Variants in STN1 observed in about 807,000 individuals in gnomAD.
STN1 encodes STN1 subunit of CST complex.
In STN1, 29 loss-of-function variants were observed where a neutral mutation model predicts 45.5. The ratio of observed to expected loss-of-function variants is 0.64; its 90% CI spans 0.47 to 0.87. The LOEUF (loss-of-function observed/expected upper bound fraction) is 0.87. Ranked by LOEUF, STN1 falls within the 40% of genes least tolerant of loss-of-function variation. The pLI is 0.00. For synonymous variants in STN1, 148 were observed against 159.0 expected, an observed-to-expected ratio of 0.93 and a Z score of 0.52; for missense variants, 376 against 441.4, an observed-to-expected ratio of 0.85 and a Z score of 1.33.
At position 103,899,140 on chromosome 10, in the gene STN1, C is replaced by G. The variant is rs112351309; in HGVS notation, c.458-140G>C. On this transcript the variant is annotated intron_variant, in intron 5 of 9. Transcript: ENST00000224950. The stretch of plus-strand genomic sequence containing the variant: ...TCCTTCCTTGTGAGTGCCCAGGGAT[C>G]ACAGTCTAGATGCACTAAATGGCTC... 1.2e-4 allele frequency: 95 copies of G among 819,216 alleles called. 1 individual carries two copies. In the African/African-American group the frequency reaches 1.4e-3, roughly 12 times the overall value. The allele number at this position is 819,216 out of a possible 1,614,324, so 50.7% of individuals were successfully genotyped here.
chr10:103,884,833 G>A (rs1269100424), intron 9 of STN1, among the ~76,000 whole-genome samples: 1 of 152,110 alleles, frequency 6.6e-6, no homozygotes, highest in Non-Finnish European at 1.5e-5. Flanking sequence ...ACTGCTCCTG[G>A]GCTAACAAAA....
At chr10:103,914,333 T>TACAC (rs1564636057) in intron 2 of STN1, among the ~76,000 whole-genome samples, 15 of 8,534 alleles carry the variant, frequency 1.8e-3, no homozygotes, top group African/African-American at 2.4e-3. Context: ...TTATTAAAAA[T>TACAC]ACATATATAT....
chr10:103,893,077 A>G (rs1330053040), intron 7 of STN1, among the ~76,000 whole-genome samples: 1 of 152,158 alleles, frequency 6.6e-6, no homozygotes, highest in Non-Finnish European at 1.5e-5. Context: ...ACAAATACAC[A>G]TTAGAGTGTG....
chr10:103,913,921 G>A (rs563754777), intron 2 of STN1, among the ~76,000 whole-genome samples: 1 of 152,140 alleles, frequency 6.6e-6, no homozygotes, highest in African/African-American at 2.4e-5. Context: ...AAGGAGGAGG[G>A]TCAAGCTATA....
At chr10:103,905,059 G>A in intron 4 of STN1, 32 bp downstream of exon 4, 1 of 1,587,586 alleles carries the variant, frequency 6.3e-7, no homozygotes, top group Non-Finnish European at 8.6e-7. Flanking sequence ...TTAGTTAGGT[G>A]AAAAGTAAAG....
chr10:103,889,731 TCA>T (rs1296586259), intron 8 of STN1, among the ~76,000 whole-genome samples: 2 of 137,914 alleles, frequency 1.5e-5, no homozygotes, highest in African/African-American at 5.6e-5. Flanking sequence ...AGACGGAATC[TCA>T]CTCTTATCGC....
Position 103,880,971 on chromosome 10 carries a change from A to G in STN1, c.*1713T>C, listed in dbSNP as rs188199498. On this transcript the variant is annotated 3_prime_UTR_variant, in exon 10 of 10. Coordinates refer to ENST00000224950, the MANE Select transcript of STN1 (RefSeq NM_024928.5). The stretch of plus-strand genomic sequence containing the variant: ...TCTCTCTACGGATATATACATACAC[A>G]CAGGGAGCTGTAGATAATGGTGTTA... 1.6e-3 allele frequency among the ~76,000 whole-genome samples: 241 copies of G among 152,342 alleles called. No homozygotes were observed. The highest frequency in any genetic ancestry group is 6.8e-3 in the Middle Eastern group (2 of 294).
At chr10:103,899,848 C>A in intron 5 of STN1, 1 of 499,376 alleles carries the variant, frequency 2.0e-6, no homozygotes, top group South Asian at 3.1e-5. Flanking sequence ...GTAAATAATT[C>A]ATTTTCTTTC....
chr10:103,910,346 C>T (rs1255312357), intron 3 of STN1, among the ~76,000 whole-genome samples, 181 bp downstream of exon 3: 6 of 152,078 alleles, frequency 3.9e-5, no homozygotes, highest in Non-Finnish European at 8.8e-5. Flanking sequence ...CATTCCTACC[C>T]GTTGCCTCAT....
At position 103,909,518 on chromosome 10, in the gene STN1, GTATATATATGTACA is replaced by G. The variant is rs765388340; in HGVS notation, c.229+995_229+1008del. ...TGTGTATATGTATATATGTATATATGTATATATATGTACATATATATGTACATATATATATGCTG... is the reference window on the plus strand; with the variant it reads ...TGTGTATATGTATATATGTATATATGTATATATGTACATATATATATGCTG... On this transcript the variant is annotated intron_variant, in intron 3 of 9. Transcript: ENST00000224950. 1.0e-3 allele frequency among the ~76,000 whole-genome samples: 58 copies of G among 57,128 alleles called. 1 individual carries two copies. Among genetic ancestry groups the G allele is most frequent in the Non-Finnish European group, 1.8e-3 (45 of 24,464 alleles). 37.5% of individuals were successfully genotyped at this position (57,128 alleles called of 152,430 possible).
chr10:103,894,192 C>T (rs1564632500), intron 7 of STN1, among the ~76,000 whole-genome samples: 1 of 152,140 alleles, frequency 6.6e-6, no homozygotes, highest in Non-Finnish European at 1.5e-5. Context: ...GATCTATCTT[C>T]TTTAGTCAAT....
chr10:103,897,706 G>C lies in STN1; in HGVS notation c.595C>G (p.Leu199Val). The change falls in exon 7 of 10, where the codon CTG (leucine) becomes GTG (valine). Residue 199 changes from leucine to valine, a missense_variant. Physicochemically the swap from Leu to Val is conservative, Grantham distance 32. Coordinates refer to ENST00000224950, the MANE Select transcript of STN1 (RefSeq NM_024928.5). ...KEEALSNPGALDLPSLTSLLS... is the reference protein window; with the variant it reads ...KEEALSNPGAVDLPSLTSLLS... ...AAACTCGTGAGACTGGGGAGGTCCA[G>C]GGCGCCTGGATTGCTGCGGAGGGAA... 6.2e-7 allele frequency: 1 copy of C among 1,614,136 alleles called. No individual in the cohort carries two copies. The highest frequency in any genetic ancestry group is 8.5e-7 in the Non-Finnish European group (1 of 1,179,992).
intron 4 of STN1, 83 bp from the exon 5 acceptor site, chr10:103,900,306 A>C: frequency 7.6e-7 from 1 of 1,316,972 alleles, no homozygotes; most frequent in Non-Finnish European, 1.1e-6. Context: ...TTTTAGGGTA[A>C]GACCAACACA....
At chr10:103,901,583 T>C (rs1032569194) in intron 4 of STN1, among the ~76,000 whole-genome samples, 14 of 152,338 alleles carry the variant, frequency 9.2e-5, no homozygotes, top group Non-Finnish European at 1.6e-4. Flanking sequence ...TCCTCAATTA[T>C]GAAATGGATA....
At chr10:103,884,089 C>CAAAAAA (rs35521096) in intron 9 of STN1, among the ~76,000 whole-genome samples, 1 of 49,798 alleles carries the variant, frequency 2.0e-5, no homozygotes, top group African/African-American at 8.1e-5. Flanking sequence ...GACTCCATCT[C>CAAAAAA]AAAAAAAAAA....
At chr10:103,886,233 T>A (rs1020332656) in intron 9 of STN1, among the ~76,000 whole-genome samples, 4 of 152,182 alleles carry the variant, frequency 2.6e-5, no homozygotes, top group African/African-American at 9.7e-5. Context: ...AAAGTAACAT[T>A]TAGTGAAAGG....
intron 6 of STN1, 61 bp downstream of exon 6, chr10:103,898,816 G>A: frequency 6.3e-7 from 1 of 1,598,962 alleles, no homozygotes; most frequent in Non-Finnish European, 8.6e-7. Flanking sequence ...CAGCATCTGG[G>A]CTCAGCTGCT....
In STN1 at chr10:103,882,656, C is replaced by A; in HGVS notation, c.*28G>T. 1 of 1,579,022 alleles carries A rather than the reference C, an allele frequency of 6.3e-7. No individual in the cohort carries two copies. Among genetic ancestry groups the A allele is most frequent in the Admixed American group, 1.8e-5 (1 of 56,826 alleles). The stretch of plus-strand genomic sequence containing the variant: ...GGGGTGAATGCCACCTTATCTTTGT[C>A]CTCCTCAGCTGGTCTGCGTGTCTCT... On this transcript the variant is annotated 3_prime_UTR_variant, in exon 10 of 10. Transcript: ENST00000224950.
At chr10:103,909,147 A>C (rs1843263645) in intron 3 of STN1, among the ~76,000 whole-genome samples, 1 of 151,766 alleles carries the variant, frequency 6.6e-6, no homozygotes, top group African/African-American at 2.4e-5. Context: ...TTACAAACTG[A>C]AAGACGCTAT....
Sources: allele counts gnomAD v4.1 joint callset (sites outside exome capture counted in the v4.1 genomes callset), GRCh38; gene constraint gnomAD v4.1.1; transcripts MANE v1.5; gene names NCBI Gene and HGNC (gene_info 2026-07-23, HGNC 2026-07-21).